Variants in USP13 observed in about 807,000 individuals in gnomAD.
USP13 encodes the protein ubiquitin specific peptidase 13.
In USP13, 68 loss-of-function variants were observed where a neutral mutation model predicts 107.8. The ratio of observed to expected loss-of-function variants is 0.63; its 90% CI spans 0.52 to 0.77. USP13 has a LOEUF of 0.77. USP13 is among the 30% of genes least tolerant of loss of function. The pLI, the probability that USP13 is intolerant of heterozygous loss-of-function variation, is 0.00. For missense variants in USP13, 945 were observed against 1,093.3 expected (o/e 0.86, Z 1.91); for synonymous variants, 377 against 389.5 (o/e 0.97, Z 0.38).
chr3:179,691,720 G>A (rs1712124081), intron 3 of USP13, among the ~76,000 whole-genome samples: 1 of 152,130 alleles, frequency 6.6e-6, no homozygotes, highest in African/African-American at 2.4e-5. Context: ...ACTAATTTTA[G>A]CATCAGTGGA....
At chr3:179,726,085 A>G (rs1713503960) in intron 8 of USP13, among the ~76,000 whole-genome samples, 1 of 152,168 alleles carries the variant, frequency 6.6e-6, no homozygotes, top group Non-Finnish European at 1.5e-5. Flanking sequence ...AGTCAGTCAG[A>G]AGCAGATGGT....
intron 16 of USP13, among the ~76,000 whole-genome samples, chr3:179,759,203 G>A (rs538311925): frequency 2.7e-5 from 4 of 150,718 alleles, no homozygotes; most frequent in South Asian, 4.2e-4. Flanking sequence ...GGCTGGTCTC[G>A]AACTCCTGAC....
intron 15 of USP13, 143 bp from the exon 16 acceptor site, chr3:179,756,909 G>T (rs773153030): frequency 1.1e-5 from 8 of 760,584 alleles, no homozygotes; most frequent in Admixed American, 6.8e-5. Context: ...GGTGGTCTGC[G>T]TGTGGTTGAG....
At chr3:179,764,204 T>C in intron 18 of USP13, 36 bp downstream of exon 18, 2 of 1,580,454 alleles carry the variant, frequency 1.3e-6, no homozygotes, top group Non-Finnish European at 1.7e-6. Flanking sequence ...TGTGTGTGTG[T>C]GTGTGTGTGT....
intron 6 of USP13, among the ~76,000 whole-genome samples, chr3:179,713,385 C>A (rs1008232711): frequency 3.3e-5 from 5 of 152,180 alleles, no homozygotes; most frequent in African/African-American, 1.2e-4. Flanking sequence ...TCCTTTAAAT[C>A]TGTTTAATAG....
intron 10 of USP13, among the ~76,000 whole-genome samples, chr3:179,739,115 T>A (rs931014331): frequency 6.6e-6 from 1 of 152,222 alleles, no homozygotes; most frequent in Non-Finnish European, 1.5e-5. Flanking sequence ...CTTTCCCTGA[T>A]GCTCTGTCCA....
At chr3:179,733,652 A>C (rs1017666047) in intron 10 of USP13, among the ~76,000 whole-genome samples, 2 of 152,206 alleles carry the variant, frequency 1.3e-5, no homozygotes, top group African/African-American at 4.8e-5. Context: ...ACTGAAACAG[A>C]GAAGGGGATA....
intron 1 of USP13, among the ~76,000 whole-genome samples, chr3:179,673,282 AC>A (rs1202642394): frequency 6.6e-6 from 1 of 152,002 alleles, no homozygotes; most frequent in Non-Finnish European, 1.5e-5. Flanking sequence ...AGAGAGAGAG[AC>A]CCAATAACAA....
chr3:179,781,966 G>A, intron 20 of USP13, 143 bp downstream of exon 20: 1 of 650,672 alleles, frequency 1.5e-6, no homozygotes, highest in Non-Finnish European at 2.6e-6. Context: ...ACGCCCTTTT[G>A]CACATCAAGA....
intron 13 of USP13, among the ~76,000 whole-genome samples, chr3:179,747,789 C>T (rs1459712268): frequency 2.0e-5 from 3 of 152,200 alleles, no homozygotes; most frequent in Non-Finnish European, 4.4e-5. Flanking sequence ...TCCTGAATTT[C>T]TCCTCAGATG....
intron 6 of USP13, among the ~76,000 whole-genome samples, chr3:179,719,605 C>T (rs1021098359): frequency 3.9e-5 from 6 of 152,106 alleles, no homozygotes; most frequent in Non-Finnish European, 8.8e-5. Context: ...CAGAGTTATG[C>T]CACTGTGGTT....
intron 1 of USP13, among the ~76,000 whole-genome samples, chr3:179,664,394 G>A (rs949891048): frequency 4.6e-5 from 7 of 152,116 alleles, no homozygotes; most frequent in African/African-American, 7.2e-5. Context: ...GCACCCAGCC[G>A]CCAATATGAT....
chr3:179,775,456 C>T (rs1715494324), intron 19 of USP13, among the ~76,000 whole-genome samples: 1 of 152,272 alleles, frequency 6.6e-6, no homozygotes, highest in Non-Finnish European at 1.5e-5. Context: ...ACTGGCTTTG[C>T]CTAGTGGATC....
At chr3:179,758,659 C>T (rs1464765969) in intron 16 of USP13, among the ~76,000 whole-genome samples, 1 of 151,334 alleles carries the variant, frequency 6.6e-6, no homozygotes, top group Non-Finnish European at 1.5e-5. Context: ...CCACCACAAC[C>T]GGCTCATTTT....
chr3:179,675,536 TTTA>T (rs57851865), intron 1 of USP13, among the ~76,000 whole-genome samples: 105 of 146,356 alleles, frequency 7.2e-4, no homozygotes, highest in African/African-American at 1.5e-3. Flanking sequence ...TGTAACCTAT[TTTA>T]TTATTATTAT....
chr3:179,736,873 A>G (rs1175834814), intron 10 of USP13, among the ~76,000 whole-genome samples: 1 of 152,232 alleles, frequency 6.6e-6, no homozygotes, highest in Non-Finnish European at 1.5e-5. Flanking sequence ...GCTGCTTGCT[A>G]TGGTCTGTGT....
intron 8 of USP13, among the ~76,000 whole-genome samples, chr3:179,724,752 G>A (rs1713453001): frequency 6.6e-6 from 1 of 152,142 alleles, no homozygotes; most frequent in South Asian, 2.1e-4. Flanking sequence ...ACAAACAGGA[G>A]GTATAACATC....
intron 19 of USP13, among the ~76,000 whole-genome samples, chr3:179,778,270 G>A (rs1560084747): frequency 1.3e-5 from 2 of 152,224 alleles, no homozygotes; most frequent in East Asian, 3.9e-4. Context: ...AACAAGTGAG[G>A]AAATGAAGCG....
chr3:179,677,570 A>C (rs1422059981), intron 1 of USP13, among the ~76,000 whole-genome samples: 1 of 152,118 alleles, frequency 6.6e-6, no homozygotes, highest in Admixed American at 6.6e-5. Context: ...ACAAGAACAA[A>C]ATTCAATGAG....
Sources: allele counts gnomAD v4.1 joint callset (sites outside exome capture counted in the v4.1 genomes callset), GRCh38; gene constraint gnomAD v4.1.1; transcripts MANE v1.5; gene names NCBI Gene and HGNC (gene_info 2026-07-23, HGNC 2026-07-21).